Variants in P4HA1 observed in about 807,000 individuals in gnomAD.
The protein encoded by P4HA1 is prolyl 4-hydroxylase subunit alpha-1.
A neutral mutation model predicts 72.8 loss-of-function variants in P4HA1; 24 were observed. That is an observed-to-expected ratio of 0.33 (90% CI 0.24 to 0.46). The LOEUF is 0.46. Ranked by LOEUF, P4HA1 falls within the 20% of genes least tolerant of loss-of-function variation. The pLI is 1.00. For missense variants in P4HA1, 446 were observed against 640.6 expected (o/e 0.70, Z 3.28); for synonymous variants, 201 against 218.8 (o/e 0.92, Z 0.72).
chr10:73,039,853 CCTTT>C (rs1274688422), intron 9 of P4HA1, among the ~76,000 whole-genome samples: 10 of 139,100 alleles, frequency 7.2e-5, no homozygotes, highest in Non-Finnish European at 7.6e-5. Flanking sequence ...ACTGAGATGG[CCTTT>C]TTTTTTTTTT....
intron 1 of P4HA1, among the ~76,000 whole-genome samples, chr10:73,084,526 A>C (rs573835236): frequency 2.6e-5 from 4 of 151,878 alleles, no homozygotes; most frequent in Admixed American, 2.6e-4. Context: ...CTAGTCTCCA[A>C]CTCCACCTCC....
In P4HA1 at chr10:73,072,001, CCTTACTCAGGAATCTCTT is replaced by C. The variant is rs1313013029; in HGVS notation, c.325+10_325+27del. 1 of 1,551,546 alleles carries C rather than the reference CCTTACTCAGGAATCTCTT, an allele frequency of 6.4e-7. No individual in the cohort carries two copies. Among genetic ancestry groups the C allele is most frequent in the Non-Finnish European group, 8.8e-7 (1 of 1,135,108 alleles). On this transcript the variant is annotated intron_variant, in intron 4 of 14. Transcript: ENST00000394890. The stretch of plus-strand genomic sequence containing the variant: ...ATTTCTACATATGGTGGCAATATTA[CCTTACTCAGGAATCTCTT>C]CAGACTTACCATCTGACATATCCTT...
intron 10 of P4HA1, among the ~76,000 whole-genome samples, chr10:73,026,963 G>T (rs1041003555): frequency 3.9e-5 from 6 of 152,202 alleles, no homozygotes; most frequent in Non-Finnish European, 7.3e-5. Flanking sequence ...TGCTGGAGAG[G>T]ATGTGGAGAA....
chr10:73,041,529 C>A (rs1341073790), intron 9 of P4HA1, among the ~76,000 whole-genome samples: 1 of 144,198 alleles, frequency 6.9e-6, no homozygotes, highest in African/African-American at 2.6e-5. Context: ...GGCGACAGAG[C>A]AAGACTCCAT....
At chr10:73,031,236 C>A (rs374704736) in intron 9 of P4HA1, among the ~76,000 whole-genome samples, 1 of 152,186 alleles carries the variant, frequency 6.6e-6, no homozygotes, top group Non-Finnish European at 1.5e-5. Context: ...GTAATCCCAG[C>A]ACTTTGGGAG....
At chr10:73,024,059 C>T (rs1214376618) in intron 10 of P4HA1, among the ~76,000 whole-genome samples, 2 of 152,178 alleles carry the variant, frequency 1.3e-5, no homozygotes, top group East Asian at 1.9e-4. Context: ...TAACACTCCA[C>T]TGTCAATATG....
intron 9 of P4HA1, among the ~76,000 whole-genome samples, chr10:73,043,397 G>A (rs1840782480): frequency 6.6e-6 from 1 of 152,182 alleles, no homozygotes; most frequent in Admixed American, 6.5e-5. Flanking sequence ...GTTACACAGT[G>A]AGCTCTTTTT....
At chr10:73,084,855 A>G (rs1436914814) in intron 1 of P4HA1, among the ~76,000 whole-genome samples, 2 of 152,244 alleles carry the variant, frequency 1.3e-5, no homozygotes, top group Non-Finnish European at 2.9e-5. Flanking sequence ...TAAACTGGCC[A>G]GGCTTGGTGG....
chr10:73,016,465 A>G (rs573901897), intron 11 of P4HA1, among the ~76,000 whole-genome samples: 1 of 152,174 alleles, frequency 6.6e-6, no homozygotes, highest in South Asian at 2.1e-4. Context: ...ACAAGTGTCA[A>G]GAATAACTTT....
In P4HA1 at chr10:73,046,801, T is replaced by C. The variant is rs560712623; in HGVS notation, c.1077+124A>G. On this transcript the variant is annotated intron_variant, in intron 8 of 14. Transcript: ENST00000394890. Reference sequence around the variant, plus strand: ...AGCATCATTAGTAACTCCATTATGCTGAGGCAAAATATCTTTAAAAAATCT... The same window carrying C: ...AGCATCATTAGTAACTCCATTATGCCGAGGCAAAATATCTTTAAAAAATCT... 16 of 733,644 alleles carry C rather than the reference T, an allele frequency of 2.2e-5. No homozygotes were observed. The Admixed American group carries it at 4.0e-4, about 18-fold the overall frequency. The allele number at this position is 733,644 out of a possible 1,614,324, so 45.4% of individuals were successfully genotyped here.
At chr10:73,022,952 GTAGA>G (rs971752873) in intron 10 of P4HA1, among the ~76,000 whole-genome samples, 2 of 152,022 alleles carry the variant, frequency 1.3e-5, no homozygotes, top group Non-Finnish European at 2.9e-5. Context: ...AGAAAAATGA[GTAGA>G]AAGAAACAAA....
chr10:73,037,555 AT>A (rs1840616605), intron 9 of P4HA1, among the ~76,000 whole-genome samples: 1 of 32,812 alleles, frequency 3.0e-5, no homozygotes, highest in East Asian at 1.1e-3. Context: ...ATATATATAT[AT>A]ATATATATAT....
At chr10:73,081,026 G>A (rs1841810040) in intron 1 of P4HA1, among the ~76,000 whole-genome samples, 1 of 152,108 alleles carries the variant, frequency 6.6e-6, no homozygotes, top group South Asian at 2.1e-4. Flanking sequence ...AATCATTATA[G>A]AACATTTAAG....
chr10:73,058,005 C>T (rs763737590), intron 5 of P4HA1, among the ~76,000 whole-genome samples: 26 of 142,632 alleles, frequency 1.8e-4, no homozygotes, highest in Admixed American at 1.2e-3. Context: ...GCACGAGAAT[C>T]GCTTGAACCC....
At chr10:73,010,007 C>T (rs553997036) in intron 13 of P4HA1, 104 bp from the exon 14 acceptor site, 106 of 634,576 alleles carry the variant, frequency 1.7e-4, no homozygotes, top group Middle Eastern at 2.7e-4. Context: ...CTTGCTCTAT[C>T]GCCCAGGCTG....
chr10:73,017,186 T>TAC, intron 10 of P4HA1, among the ~76,000 whole-genome samples: 4 of 135,842 alleles, frequency 2.9e-5, no homozygotes, highest in African/African-American at 1.1e-4. Flanking sequence ...TATAGATATC[T>TAC]ATATCTACAG....
At chr10:73,017,915 A>T (rs1334837986) in intron 10 of P4HA1, among the ~76,000 whole-genome samples, 1 of 152,240 alleles carries the variant, frequency 6.6e-6, no homozygotes, top group Admixed American at 6.5e-5. Context: ...GGAGAACATA[A>T]TTAAGAGTGC....
At chr10:73,079,451 CA>C (rs772877376) in intron 1 of P4HA1, among the ~76,000 whole-genome samples, 29 of 151,406 alleles carry the variant, frequency 1.9e-4, no homozygotes, top group Admixed American at 4.6e-4. Context: ...CCCGTAAAAA[CA>C]ACAGTAAGGC....
At chr10:73,039,537 G>A in intron 9 of P4HA1, among the ~76,000 whole-genome samples, 1 of 152,102 alleles carries the variant, frequency 6.6e-6, no homozygotes, top group East Asian at 1.9e-4. Flanking sequence ...TCGATCTCCT[G>A]ACCTCGGGAT....
Sources: allele counts gnomAD v4.1 joint callset (sites outside exome capture counted in the v4.1 genomes callset), GRCh38; gene constraint gnomAD v4.1.1; transcripts MANE v1.5; gene names NCBI Gene and HGNC (gene_info 2026-07-23, HGNC 2026-07-21).